The following PLEKHB2 variants were observed in gnomAD, a reference collection of about 807,000 sequenced individuals.
PLEKHB2 encodes the protein pleckstrin homology domain containing B2.
PLEKHB2 carries 31 observed loss-of-function variants against 36.5 expected under a neutral mutation model. That is an observed-to-expected ratio of 0.85 (90% CI 0.64 to 1.15). PLEKHB2 has a LOEUF of 1.15. Ranked by LOEUF, PLEKHB2 falls within the 50% of genes most tolerant of loss-of-function variation. PLEKHB2 has a pLI of 0.00. For synonymous variants in PLEKHB2, 119 were observed against 112.0 expected (o/e 1.06, Z -0.39); for missense variants, 262 against 295.3 (o/e 0.89, Z 0.83).
intron 7 of PLEKHB2, among the ~76,000 whole-genome samples, chr2:131,145,499 T>C (rs1431047899): frequency 1.3e-5 from 2 of 152,134 alleles, no homozygotes. Flanking sequence ...CTGGCTAATT[T>C]TTTTTTGGTA....
intron 5 of PLEKHB2, among the ~76,000 whole-genome samples, chr2:131,131,131 T>G (rs1697634058): frequency 6.6e-6 from 1 of 152,152 alleles, no homozygotes; most frequent in African/African-American, 2.4e-5. Context: ...AATTGGAGAA[T>G]GGGGAAAACG....
intron 1 of PLEKHB2, among the ~76,000 whole-genome samples, chr2:131,106,915 A>G (rs1049138611): frequency 2.6e-5 from 4 of 152,200 alleles, no homozygotes; most frequent in Non-Finnish European, 5.9e-5. Flanking sequence ...CTAGCATTAT[A>G]TTTTAAAGGC....
chr2:131,142,389 G>A (rs1698877652), intron 7 of PLEKHB2, among the ~76,000 whole-genome samples: 2 of 151,942 alleles, frequency 1.3e-5, no homozygotes, highest in Non-Finnish European at 2.9e-5. Context: ...CAAGTGCTAT[G>A]TAATACTCCT....
rs374623368 is a variant in PLEKHB2 at position 131,120,995 on chromosome 2, C to T, written c.37+17C>T. The T allele has an allele frequency of 8.7e-6, 14 of 1,612,060 alleles. No homozygotes were observed. Among genetic ancestry groups the T allele is most frequent in the Middle Eastern group, 1.6e-4 (1 of 6,068 alleles). On this transcript the variant is annotated intron_variant, in intron 2 of 7. Coordinates refer to ENST00000693505, the MANE Select transcript of PLEKHB2 (RefSeq NM_001100623.2). The stretch of plus-strand genomic sequence containing the variant: ...TGCGACAGAGTGAGTACAGGATGTG[C>T]GGTCTGCGATCGGCATTGCCGAAGG...
chr2:131,110,503 G>A (rs995037021), intron 1 of PLEKHB2, among the ~76,000 whole-genome samples: 2 of 152,194 alleles, frequency 1.3e-5, no homozygotes, highest in Middle Eastern at 3.4e-3. Flanking sequence ...AGTCTCCCGA[G>A]TAGGTGGGAC....
In PLEKHB2 at chr2:131,147,762, C is replaced by T. The variant is rs1230895120; in HGVS notation, c.*989C>T. The T allele has an allele frequency of 4.0e-5, 6 of 149,126 alleles. No homozygotes were observed. Among genetic ancestry groups the T allele is most frequent in the Non-Finnish European group, 8.8e-5 (6 of 67,884 alleles). The allele number at this position is 149,126 out of a possible 1,614,324, so 9.2% of individuals were successfully genotyped here. ...GCAGTGAGCCAAGATAGTGCCACTG[C>T]ACTTCAGCCTGGGTGACAGAGTGAG... is the stretch of plus-strand genomic sequence containing the variant. On this transcript the variant is annotated 3_prime_UTR_variant, in exon 8 of 8. Transcript: ENST00000693505.
chr2:131,107,250 G>T (rs919265533), intron 1 of PLEKHB2, among the ~76,000 whole-genome samples: 3 of 152,194 alleles, frequency 2.0e-5, no homozygotes, highest in Admixed American at 6.5e-5. Flanking sequence ...CAGTTGTTTT[G>T]TTAGTTATAT....
Position 131,140,243 on chromosome 2 carries a change from C to T in PLEKHB2, c.500C>T (p.Ala167Val), listed in dbSNP as rs368243881. Reference sequence around the variant, plus strand: ...GTTGTCTACGCTGCGAATGGGCAGGCGTATGCCGTGCCCTACCAGTACCCA... The same window carrying T: ...GTTGTCTACGCTGCGAATGGGCAGGTGTATGCCGTGCCCTACCAGTACCCA... ...TQVVYAANGQAYAVPYQYPYA... is the reference protein window; with the variant it reads ...TQVVYAANGQVYAVPYQYPYA... The change falls in exon 7 of 8, where the codon GCG (alanine) becomes GTG (valine). Residue 167 changes from alanine to valine, a missense_variant. Coordinates refer to ENST00000693505, the MANE Select transcript of PLEKHB2 (RefSeq NM_001100623.2). 15 of 1,608,570 alleles carry T rather than the reference C, an allele frequency of 9.3e-6. No individual in the cohort carries two copies. The highest frequency in any genetic ancestry group is 4.5e-5 in the East Asian group (2 of 44,862).
intron 1 of PLEKHB2, among the ~76,000 whole-genome samples, chr2:131,117,204 A>G (rs959239572): frequency 6.6e-6 from 1 of 152,196 alleles, no homozygotes; most frequent in Admixed American, 6.5e-5. Context: ...TAATCCCAGC[A>G]CTTTGAGAAG....
At chr2:131,125,934 G>T (rs1697054389) in intron 3 of PLEKHB2, 29 bp downstream of exon 3, 1 of 1,604,514 alleles carries the variant, frequency 6.2e-7, no homozygotes, top group Non-Finnish European at 8.5e-7. Context: ...GCCAACTTCT[G>T]TCTTCTGCTC....
chr2:131,118,211 C>T (rs181572869), intron 1 of PLEKHB2, among the ~76,000 whole-genome samples: 1 of 152,254 alleles, frequency 6.6e-6, no homozygotes, highest in Admixed American at 6.5e-5. Context: ...TTAACATCAT[C>T]TTAGAGACAG....
At chr2:131,125,714 T>TG in intron 2 of PLEKHB2, 39 bp from the exon 3 acceptor site, 1 of 1,339,084 alleles carries the variant, frequency 7.5e-7, no homozygotes, top group Non-Finnish European at 1.0e-6. Flanking sequence ...AGACTGTCTC[T>TG]AAAAAAAAAA....
rs910328072 is a variant in PLEKHB2, at chr2:131,147,422, C to T, written c.*649C>T. On this transcript the variant is annotated 3_prime_UTR_variant, in exon 8 of 8. Coordinates refer to ENST00000693505, the MANE Select transcript of PLEKHB2 (RefSeq NM_001100623.2). Reference sequence around the variant, plus strand: ...TGCTGCTCACTTTATTCTTGTATGGCTTTGGTAGGCATACTTGGAGAACAT... The same window carrying T: ...TGCTGCTCACTTTATTCTTGTATGGTTTTGGTAGGCATACTTGGAGAACAT... 6.6e-6 allele frequency: 1 copy of T among 152,268 alleles called. No homozygotes were observed. The highest frequency in any genetic ancestry group is 6.5e-5 in the Admixed American group (1 of 15,290). 9.4% of individuals were successfully genotyped at this position (152,268 alleles called of 1,614,324 possible).
Position 131,146,879 on chromosome 2 carries a change from T to C in PLEKHB2, c.*106T>C. Reference sequence around the variant, plus strand: ...CAAAAGTTTTTAATAATAGTTTTAATCATTCCTTTGAAAGTAGTGATGTCA... The same window carrying C: ...CAAAAGTTTTTAATAATAGTTTTAACCATTCCTTTGAAAGTAGTGATGTCA... On this transcript the variant is annotated 3_prime_UTR_variant, in exon 8 of 8. Transcript: ENST00000693505. 1 of 968,774 alleles carries C rather than the reference T, an allele frequency of 1.0e-6. No individual in the cohort carries two copies. The highest frequency in any genetic ancestry group is 1.6e-5 in the African/African-American group (1 of 61,184). 60.0% of individuals were successfully genotyped at this position (968,774 alleles called of 1,614,324 possible).
intron 7 of PLEKHB2, among the ~76,000 whole-genome samples, chr2:131,141,548 C>G (rs112283234): frequency 0.022 from 3,249 of 148,506 alleles, 121 homozygotes; most frequent in African/African-American, 0.076. Context: ...GCTGAGGCTG[C>G]AGGATGGCAT....
chr2:131,131,892 G>A (rs551520190), intron 5 of PLEKHB2, among the ~76,000 whole-genome samples: 147 of 151,606 alleles, frequency 9.7e-4, no homozygotes, highest in African/African-American at 3.4e-3. Flanking sequence ...AGAGTGCAGT[G>A]GAGCGATCTC....
intron 1 of PLEKHB2, among the ~76,000 whole-genome samples, chr2:131,114,526 T>G (rs1381171450): frequency 1.3e-5 from 2 of 152,152 alleles, no homozygotes; most frequent in Non-Finnish European, 2.9e-5. Context: ...AGAAAATGGG[T>G]TTTTCTTTTC....
At chr2:131,111,811 T>C (rs1573523295) in intron 1 of PLEKHB2, among the ~76,000 whole-genome samples, 1 of 152,260 alleles carries the variant, frequency 6.6e-6, no homozygotes, top group East Asian at 1.9e-4. Flanking sequence ...ATTTTTAAAG[T>C]TTTCTTTTGT....
intron 2 of PLEKHB2, 99 bp from the exon 3 acceptor site, chr2:131,125,654 A>G (rs555047380): frequency 7.4e-6 from 7 of 950,538 alleles, no homozygotes; most frequent in Admixed American, 2.5e-5. Context: ...GCAGTGACCT[A>G]TGATCATGTT....
Sources: gnomAD v4.1 joint callset for allele counts (sites outside exome capture counted in the v4.1 genomes callset) on GRCh38, gnomAD v4.1.1 for gene constraint, MANE v1.5 for transcripts, NCBI Gene and HGNC (gene_info 2026-07-23, HGNC 2026-07-21) for gene names.